The following GRAMD4 variants were observed in gnomAD, a reference collection of about 807,000 sequenced individuals.
The protein encoded by GRAMD4 is GRAM domain containing 4.
In GRAMD4, 25 loss-of-function variants were observed where a neutral mutation model predicts 83.9. That is an observed-to-expected ratio of 0.30 (90% CI 0.22 to 0.42). GRAMD4 has a LOEUF of 0.42. GRAMD4 is among the 10% of genes least tolerant of loss of function. The probability of loss-of-function intolerance (pLI) is 1.00; values close to 1 mark genes in which losing one functional copy is unlikely to be tolerated. For missense variants in GRAMD4, 593 were observed against 788.7 expected, an observed-to-expected ratio of 0.75 and a Z score of 2.97; for synonymous variants, 336 against 320.9, an observed-to-expected ratio of 1.05 and a Z score of -0.50.
rs1367984359 is a variant in GRAMD4 at position 46,620,900 on chromosome 22, TGAGAGGGAGGGAGGCCCATCC to T, written c.-50+346_-50+366del. ...AGGACGAGAGGAAGGGAGGCCGATC[TGAGAGGGAGGGAGGCCCATCC>T]GAGAGGGAGGAGGCCGATCTGAGAG... is the stretch of plus-strand genomic sequence containing the variant. On this transcript the variant is annotated intron_variant, in intron 1 of 18. Coordinates refer to ENST00000406902, the MANE Select transcript of GRAMD4 (RefSeq NM_015124.5). The surrounding 1 kb of genome is among the most constrained non-coding windows in gnomAD (Gnocchi z 4.7). Among the ~76,000 whole-genome samples the T allele has an allele frequency of 9.5e-4, 144 of 152,010 alleles. 1 individual carries two copies. The highest frequency in any genetic ancestry group is 1.5e-3 in the Non-Finnish European group (100 of 67,924).
downstream of GRAMD4, among the ~76,000 whole-genome samples, chr22:46,681,390 C>CT (rs1470319791): frequency 2.0e-5 from 3 of 152,402 alleles, no homozygotes; most frequent in South Asian, 4.1e-4. Flanking sequence ...ACATATACCT[C>CT]TATCACCATT....
At chr22:46,655,927 GGA>G (rs892945768) in intron 3 of GRAMD4, among the ~76,000 whole-genome samples, 2 of 151,966 alleles carry the variant, frequency 1.3e-5, no homozygotes, top group African/African-American at 4.8e-5. Context: ...CTCCGTCCGC[GGA>G]GAAAAGTAGC....
chr22:46,663,138 A>G lies in GRAMD4; in HGVS notation c.565A>G (p.Thr189Ala). 1.9e-6 allele frequency: 3 copies of G among 1,612,404 alleles called. No individual in the cohort carries two copies. The highest frequency in any genetic ancestry group is 2.5e-6 in the Non-Finnish European group (3 of 1,179,644). The change falls in exon 6 of 19, where the codon ACT becomes GCT. Residue 189 changes from threonine to alanine, a missense_variant. By Grantham distance (58) the Thr-to-Ala change is moderately conservative. Transcript: ENST00000406902. The part of the protein sequence containing the change: ...EDFRFQPEEN[T>A]VETEEPLSAR... ...CTTCCGGTTCCAGCCCGAGGAGAAC[A>G]CTGTGGAGACAGAGGAACCCCTGAG...
chr22:46,644,697 GTTTTTTTTTTTTT>G (rs71192437), intron 3 of GRAMD4, among the ~76,000 whole-genome samples: 61 of 97,366 alleles, frequency 6.3e-4, no homozygotes, highest in African/African-American at 1.9e-3. Flanking sequence ...CTTGTTCCCT[GTTTTTTTTTTTTT>G]TTTTTTTTTT....
intron 1 of GRAMD4, among the ~76,000 whole-genome samples, chr22:46,615,050 C>T (rs1481968420): frequency 2.2e-4 from 7 of 32,452 alleles, no homozygotes; most frequent in Non-Finnish European, 3.8e-4. Flanking sequence ...TTCCCCTGTG[C>T]GTGTAGGTTC....
rs2081693634 is a variant in GRAMD4 at position 46,627,886 on chromosome 22, A to G, written c.162+925A>G. Reference sequence around the variant, plus strand: ...GCTTGGCTTCCTGGGGCATCACTACAGACCACAGAGTGCCCGGCCTGCCGG... The same window carrying G: ...GCTTGGCTTCCTGGGGCATCACTACGGACCACAGAGTGCCCGGCCTGCCGG... On this transcript the variant is annotated intron_variant, in intron 2 of 18. Transcript: ENST00000406902. Among the ~76,000 whole-genome samples, 5 of 152,366 alleles carry G rather than the reference A, an allele frequency of 3.3e-5. No individual in the cohort carries two copies. In the South Asian group the frequency reaches 1.0e-3, roughly 32 times the overall value.
chr22:46,577,669 T>A (rs923738752), intron 1 of GRAMD4, among the ~76,000 whole-genome samples: 3 of 151,952 alleles, frequency 2.0e-5, no homozygotes, highest in African/African-American at 7.2e-5. Flanking sequence ...GCCAATGTCG[T>A]CCTGCCGATC....
In GRAMD4 at chr22:46,673,721, G is replaced by A. The variant is rs773291954; in HGVS notation, c.1291G>A (p.Gly431Ser). ...SYVPSAPAGL[G>S]KEEDAGRFHS... is the part of the protein sequence containing the mutation. ...CGTACCCAGCGCACCGGCCGGCCTGGGTAAAGAGGAGGACGCCGGTCGCTT... is the reference window on the plus strand; with the variant it reads ...CGTACCCAGCGCACCGGCCGGCCTGAGTAAAGAGGAGGACGCCGGTCGCTT... The change falls in exon 15 of 19, where the codon GGT becomes AGT. Residue 431 changes from glycine to serine, a missense_variant. Physicochemically the swap from Gly to Ser is moderately conservative, Grantham distance 56. Coordinates refer to ENST00000406902, the MANE Select transcript of GRAMD4 (RefSeq NM_015124.5). 24 of 1,612,752 alleles carry A rather than the reference G, an allele frequency of 1.5e-5. No homozygotes were observed. The highest frequency in any genetic ancestry group is 2.0e-5 in the Non-Finnish European group (24 of 1,179,908).
chr22:46,624,478 G>T (rs1425562893), intron 1 of GRAMD4, among the ~76,000 whole-genome samples: 1 of 150,840 alleles, frequency 6.6e-6, no homozygotes, highest in Admixed American at 6.6e-5. Flanking sequence ...ACAGGTGCCC[G>T]CCACCACACC....
At chr22:46,666,804 T>C in intron 9 of GRAMD4, 21 bp from the exon 10 acceptor site, 18 of 1,605,860 alleles carry the variant, frequency 1.1e-5, no homozygotes, top group Non-Finnish European at 1.5e-5. Context: ...CCTAAAGGTG[T>C]GTGTGTTTTC....
chr22:46,640,175 G>T (rs753322371), intron 3 of GRAMD4, among the ~76,000 whole-genome samples: 1 of 152,222 alleles, frequency 6.6e-6, no homozygotes, highest in African/African-American at 2.4e-5. Context: ...TGAACCTCAC[G>T]AATTGCCTTT....
intron 1 of GRAMD4, among the ~76,000 whole-genome samples, chr22:46,593,498 G>A (rs1229499122): frequency 6.6e-6 from 1 of 152,206 alleles, no homozygotes; most frequent in African/African-American, 2.4e-5. Context: ...CCTACCGAGA[G>A]TCCCATGGCG....
chr22:46,604,231 T>G (rs2081343889), intron 1 of GRAMD4, among the ~76,000 whole-genome samples: 1 of 152,214 alleles, frequency 6.6e-6, no homozygotes, highest in African/African-American at 2.4e-5. Flanking sequence ...AGAATTTTCC[T>G]GGCTATTTGG....
At chr22:46,634,945 C>CAAA (rs879672333) in intron 2 of GRAMD4, among the ~76,000 whole-genome samples, 1 of 128,388 alleles carries the variant, frequency 7.8e-6, no homozygotes. Flanking sequence ...TTCACCATCT[C>CAAA]AAAAAAAAAA....
At position 46,677,626 on chromosome 22, in the gene GRAMD4, T is replaced by C. The variant is rs1276090165; in HGVS notation, c.*375T>C. On this transcript the variant is annotated 3_prime_UTR_variant, in exon 19 of 19. Transcript: ENST00000406902. ...ACCCCAAGAGGTTCTCGCAACCTTG[T>C]GTCCCGCTCTCCAGAGGCCAGAAGC... 6 of 1,010,530 alleles carry C rather than the reference T, an allele frequency of 5.9e-6. No homozygotes were observed. The highest frequency in any genetic ancestry group is 7.1e-6 in the Non-Finnish European group (6 of 845,336). 62.6% of individuals were successfully genotyped at this position (1,010,530 alleles called of 1,614,324 possible).
Position 46,622,679 on chromosome 22 carries a change from C to T in GRAMD4, c.-50+2114C>T, listed in dbSNP as rs758281469. On this transcript the variant is annotated intron_variant, in intron 1 of 18. Transcript: ENST00000406902. The surrounding 1 kb of genome is among the most constrained non-coding windows in gnomAD (Gnocchi z 4.0). ...CTGTAATCCCAGCACTTTGGGAGGC[C>T]GAGGCGGGTGGATCACGAGGTCAGG... is the stretch of plus-strand genomic sequence containing the variant. Among the ~76,000 whole-genome samples the T allele has an allele frequency of 2.6e-4, 39 of 152,048 alleles. No individual in the cohort carries two copies. The highest frequency in any genetic ancestry group is 2.9e-4 in the Non-Finnish European group (20 of 68,016).
At chr22:46,603,908 T>C (rs2081340779) in intron 1 of GRAMD4, among the ~76,000 whole-genome samples, 1 of 152,324 alleles carries the variant, frequency 6.6e-6, no homozygotes, top group African/African-American at 2.4e-5. Context: ...CCACCTTTGC[T>C]ACATGAATGC....
At position 46,664,130 on chromosome 22, in the gene GRAMD4, T is replaced by A; in HGVS notation, c.717+13T>A. 1.9e-6 allele frequency: 3 copies of A among 1,563,344 alleles called. No individual in the cohort carries two copies. The highest frequency in any genetic ancestry group is 2.3e-5 in the East Asian group (1 of 44,432). ...CATTGCCTTCACCGTGAGTGGGTCC[T>A]CCAGGGGCCGAGCAGGGTGGGTGGG... On this transcript the variant is annotated intron_variant, in intron 8 of 18. Transcript: ENST00000406902.
intron 1 of GRAMD4, among the ~76,000 whole-genome samples, chr22:46,613,367 G>T (rs1181606753): frequency 1.3e-5 from 2 of 152,242 alleles, no homozygotes; most frequent in African/African-American, 4.8e-5. Context: ...ACTCCTCGAG[G>T]CTCTCCAGCC....
Sources: allele counts gnomAD v4.1 joint callset (sites outside exome capture counted in the v4.1 genomes callset), GRCh38; gene constraint gnomAD v4.1.1; non-coding constraint Gnocchi (gnomAD v3.1); transcripts MANE v1.5; gene names NCBI Gene and HGNC (gene_info 2026-07-23, HGNC 2026-07-21).